The following ADARB2 variants were observed in gnomAD, a reference collection of about 807,000 sequenced individuals.
ADARB2 encodes the protein adenosine deaminase RNA specific B2 (inactive).
Under a neutral mutation model 62.2 loss-of-function variants are expected in ADARB2, and 25 were observed. The ratio of observed to expected loss-of-function variants is 0.40; its 90% CI spans 0.29 to 0.56. The LOEUF is 0.56. Ranked by LOEUF, ADARB2 falls within the 20% of genes least tolerant of loss-of-function variation. The probability of loss-of-function intolerance (pLI) is 0.43; values close to 1 mark genes in which losing one functional copy is unlikely to be tolerated. For missense variants in ADARB2, 1,071 were observed against 1,077.4 expected (o/e 0.99, Z 0.08); for synonymous variants, 572 against 500.8 (o/e 1.14, Z -1.90).
chr10:1,417,456 A>G (rs1008361783), intron 1 of ADARB2, among the ~76,000 whole-genome samples: 12 of 152,190 alleles, frequency 7.9e-5, no homozygotes, highest in African/African-American at 2.9e-4. Flanking sequence ...TGCATTAATT[A>G]TCTTACTGAC....
intron 3 of ADARB2, chr10:1,292,212 G>C (rs901643016): frequency 6.6e-6 from 1 of 152,330 alleles, no homozygotes; most frequent in African/African-American, 2.4e-5. Flanking sequence ...CCATCCTCCC[G>C]CCTCAGCCTC....
chr10:1,294,836 T>C (rs1363463438), intron 3 of ADARB2, among the ~76,000 whole-genome samples: 2 of 152,228 alleles, frequency 1.3e-5, no homozygotes, highest in Admixed American at 1.3e-4. Flanking sequence ...GTGGTGGCTC[T>C]CAGCCCTGCC....
intron 1 of ADARB2, among the ~76,000 whole-genome samples, chr10:1,672,337 A>C (rs1834397050): frequency 6.6e-6 from 1 of 152,050 alleles, no homozygotes; most frequent in Non-Finnish European, 1.5e-5. Context: ...AAACTTAAAC[A>C]CCACGCGGGC....
chr10:1,508,105 G>C (rs906873348), intron 1 of ADARB2, among the ~76,000 whole-genome samples: 2 of 152,260 alleles, frequency 1.3e-5, no homozygotes, highest in South Asian at 4.2e-4. Context: ...GTGAGGTCGC[G>C]TGTGAACGTG....
chr10:1,415,620 A>T (rs1464534324), intron 1 of ADARB2, among the ~76,000 whole-genome samples: 1 of 152,224 alleles, frequency 6.6e-6, no homozygotes, highest in Non-Finnish European at 1.5e-5. Context: ...TTGATTGGCT[A>T]TTTCTTAGTC....
chr10:1,229,727 C>CA (rs1830783970), intron 6 of ADARB2, among the ~76,000 whole-genome samples: 2 of 21,564 alleles, frequency 9.3e-5, no homozygotes, highest in African/African-American at 6.2e-4. Context: ...CATGTGTGCA[C>CA]TTGTGCTTGT....
intron 1 of ADARB2, among the ~76,000 whole-genome samples, chr10:1,595,178 G>A (rs1833314707): frequency 1.3e-5 from 2 of 152,150 alleles, no homozygotes; most frequent in African/African-American, 4.8e-5. Flanking sequence ...TCTTTGAGCT[G>A]GCTTTTGGAA....
At chr10:1,235,318 G>T (rs1231757072) in intron 5 of ADARB2, among the ~76,000 whole-genome samples, 1 of 124,324 alleles carries the variant, frequency 8.0e-6, no homozygotes, top group Non-Finnish European at 1.7e-5. Context: ...TGACCCAGGT[G>T]GGGCGGGAGA....
At chr10:1,536,273 C>T (rs1832331663) in intron 1 of ADARB2, among the ~76,000 whole-genome samples, 1 of 152,196 alleles carries the variant, frequency 6.6e-6, no homozygotes, top group Non-Finnish European at 1.5e-5. Flanking sequence ...CACACGAGGA[C>T]ACAGAAAGCG....
In ADARB2 at chr10:1,220,821, G is replaced by T. The variant is rs891331902; in HGVS notation, c.1514-3702C>A. 7.9e-5 allele frequency among the ~76,000 whole-genome samples: 12 copies of T among 152,336 alleles called. 2 individuals are homozygous for T. The highest frequency in any genetic ancestry group is 5.2e-4 in the Admixed American group (8 of 15,300). ...TTCCATGAAGTACACTTGATAGCCT[G>T]TTAATGCCATGACAACAGGGAGGCC... On this transcript the variant is annotated intron_variant, in intron 6 of 9. Transcript: ENST00000381312.
At position 1,444,317 on chromosome 10, in the gene ADARB2, T is replaced by C. The variant is rs1324050158; in HGVS notation, c.101-65157A>G. On this transcript the variant is annotated intron_variant, in intron 1 of 9. Transcript: ENST00000381312. ...TCCATCCATCCATCCATCCACTCAT[T>C]CATCCTTCCATCCACCCAGCCATCC... Among the ~76,000 whole-genome samples, 566 of 70,998 alleles carry C rather than the reference T, an allele frequency of 8.0e-3. 8 individuals carry two copies. The highest frequency in any genetic ancestry group is 0.024 in the African/African-American group (519 of 21,358). 46.6% of individuals were successfully genotyped at this position (70,998 alleles called of 152,430 possible).
intron 1 of ADARB2, among the ~76,000 whole-genome samples, chr10:1,524,591 T>G (rs1473029387): frequency 2.6e-5 from 4 of 152,228 alleles, no homozygotes. Context: ...TTCTCCTTTC[T>G]ATTGCCTTTT....
At chr10:1,490,292 T>A (rs1447219169) in intron 1 of ADARB2, among the ~76,000 whole-genome samples, 2 of 152,142 alleles carry the variant, frequency 1.3e-5, no homozygotes, top group African/African-American at 4.8e-5. Context: ...ATACTATAGA[T>A]TATATGGAAA....
intron 1 of ADARB2, among the ~76,000 whole-genome samples, chr10:1,394,071 C>T (rs990440481): frequency 1.5e-4 from 23 of 152,158 alleles, no homozygotes; most frequent in Admixed American, 2.6e-4. Flanking sequence ...TCCACTCACT[C>T]GTCCCAGGTT....
At chr10:1,195,528 T>C (rs564295502) in intron 8 of ADARB2, among the ~76,000 whole-genome samples, 49 of 151,970 alleles carry the variant, frequency 3.2e-4, no homozygotes, top group African/African-American at 1.2e-3. Context: ...AGAGACGACG[T>C]TGAAAGGTTT....
intron 1 of ADARB2, among the ~76,000 whole-genome samples, chr10:1,636,178 C>T (rs1452215013): frequency 6.6e-6 from 1 of 152,034 alleles, no homozygotes; most frequent in East Asian, 1.9e-4. Context: ...TAAAGCAAGG[C>T]TGGGAGAAAA....
At chr10:1,282,323 C>A (rs1472537300) in intron 3 of ADARB2, among the ~76,000 whole-genome samples, 2 of 152,202 alleles carry the variant, frequency 1.3e-5, no homozygotes, top group African/African-American at 4.8e-5. Context: ...TGCTTTTTTG[C>A]ACTGCGTCCT....
Position 1,712,430 on chromosome 10 carries a change from C to CT in ADARB2, c.100+24620dup, listed in dbSNP as rs897446630. Among the ~76,000 whole-genome samples the CT allele has an allele frequency of 3.5e-4, 53 of 150,910 alleles. 1 individual carries two copies. In the East Asian group the frequency reaches 5.7e-3, roughly 16 times the overall value. On this transcript the variant is annotated intron_variant, in intron 1 of 9. Coordinates refer to ENST00000381312, the MANE Select transcript of ADARB2 (RefSeq NM_018702.4). ...ATGAGGTGTATTGCAGAATATACTG[C>CT]TTTTTTTTTTCTTTGCGTGCCTTCT... is the stretch of plus-strand genomic sequence containing the variant.
At chr10:1,266,828 C>T (rs144003399) in intron 4 of ADARB2, among the ~76,000 whole-genome samples, 67 of 151,882 alleles carry the variant, frequency 4.4e-4, no homozygotes, top group Non-Finnish European at 4.9e-4. Context: ...CAAGAGGCTC[C>T]CTTGAAAAAG....
Sources: allele counts gnomAD v4.1 joint callset (sites outside exome capture counted in the v4.1 genomes callset), GRCh38; gene constraint gnomAD v4.1.1; transcripts MANE v1.5; gene names NCBI Gene and HGNC (gene_info 2026-07-23, HGNC 2026-07-21).